The following GSE1 variants were observed in gnomAD, a reference collection of about 807,000 sequenced individuals.
The protein encoded by GSE1 is genetic suppressor element 1.
GSE1 carries 32 observed loss-of-function variants against 112.6 expected under a neutral mutation model. The observed-to-expected ratio is 0.28, with a 90% CI of 0.21 to 0.38. The LOEUF (loss-of-function observed/expected upper bound fraction) is 0.38, where lower values mean the gene tolerates loss of function less well. Ranked by LOEUF, GSE1 falls within the 10% of genes least tolerant of loss-of-function variation. The pLI, the probability that GSE1 is intolerant of heterozygous loss-of-function variation, is 1.00. For synonymous variants in GSE1, 1,115 were observed against 735.6 expected, an observed-to-expected ratio of 1.52 and a Z score of -8.35; for missense variants, 2,348 against 1,699.2, an observed-to-expected ratio of 1.38 and a Z score of -6.71.
chr16:85,316,173 A>G (rs1346545575), intron 1 of GSE1, among the ~76,000 whole-genome samples: 2 of 152,262 alleles, frequency 1.3e-5, no homozygotes, highest in Non-Finnish European at 1.5e-5. Context: ...GACACCAGCC[A>G]CCTATTCCAT....
intron 1 of GSE1, among the ~76,000 whole-genome samples, chr16:85,258,259 G>A (rs2144083131): frequency 6.6e-6 from 1 of 152,334 alleles, no homozygotes; most frequent in East Asian, 1.9e-4. Context: ...TCGCACCGCT[G>A]GGAGCAGCCC....
intron 1 of GSE1, among the ~76,000 whole-genome samples, chr16:85,238,509 G>A (rs1196264347): frequency 1.3e-5 from 2 of 152,140 alleles, no homozygotes; most frequent in Admixed American, 6.5e-5. Context: ...TGGCCTCGGC[G>A]TGTGTCCTGG....
At chr16:85,236,894 T>G (rs2143892037) in intron 1 of GSE1, among the ~76,000 whole-genome samples, 1 of 152,302 alleles carries the variant, frequency 6.6e-6, no homozygotes, top group Middle Eastern at 3.4e-3. Context: ...ACCTCACAAC[T>G]TCCAGCCACC....
At chr16:85,420,931 T>C (rs1230330091) in intron 2 of GSE1, among the ~76,000 whole-genome samples, 2 of 152,140 alleles carry the variant, frequency 1.3e-5, no homozygotes, top group Non-Finnish European at 2.9e-5. Flanking sequence ...GACCGCGCTG[T>C]CCTGCAGGGG....
intron 2 of GSE1, among the ~76,000 whole-genome samples, chr16:85,477,499 C>A (rs2050494915): frequency 6.6e-6 from 1 of 151,822 alleles, no homozygotes. Flanking sequence ...GCTGTGAGCC[C>A]CTCCGGCCTA....
chr16:85,648,281 C>T (rs941422258), intron 2 of GSE1, among the ~76,000 whole-genome samples: 2 of 152,090 alleles, frequency 1.3e-5, no homozygotes, highest in African/African-American at 4.8e-5. Context: ...GCCCTGGGCA[C>T]CAGAGCATCT....
At chr16:85,390,940 C>T (rs1169610388) in intron 2 of GSE1, among the ~76,000 whole-genome samples, 6 of 152,202 alleles carry the variant, frequency 3.9e-5, no homozygotes, top group South Asian at 2.1e-4. Context: ...GCAGAGGGGC[C>T]GGGCAACGCG....
At chr16:85,316,564 A>C (rs562438775) in intron 1 of GSE1, among the ~76,000 whole-genome samples, 1 of 152,324 alleles carries the variant, frequency 6.6e-6, no homozygotes, top group South Asian at 2.1e-4. Context: ...TGAGGTCCAC[A>C]GGGGTAAGGG....
intron 1 of GSE1, among the ~76,000 whole-genome samples, chr16:85,244,150 G>A (rs1025129018): frequency 8.5e-5 from 13 of 152,144 alleles, no homozygotes; most frequent in African/African-American, 2.7e-4. Flanking sequence ...GGGGCATTAA[G>A]GTTGCAGGTG....
intron 1 of GSE1, among the ~76,000 whole-genome samples, chr16:85,580,667 C>A (rs908289737): frequency 6.6e-6 from 1 of 152,220 alleles, no homozygotes; most frequent in Non-Finnish European, 1.5e-5. Flanking sequence ...TGTGGAAGCC[C>A]CGACCCTCAG....
At chr16:85,387,535 T>G (rs1340041341) in intron 2 of GSE1, among the ~76,000 whole-genome samples, 1 of 152,274 alleles carries the variant, frequency 6.6e-6, no homozygotes, top group Non-Finnish European at 1.5e-5. Context: ...ACCTCATTGG[T>G]GAGGCCCTCC....
intron 1 of GSE1, among the ~76,000 whole-genome samples, chr16:85,257,978 A>G (rs1158934709): frequency 6.6e-6 from 1 of 152,234 alleles, no homozygotes; most frequent in East Asian, 1.9e-4. Flanking sequence ...TTGGGAGCTC[A>G]GGGCCTGGAC....
intron 1 of GSE1, chr16:85,595,754 A>C (rs912794008): frequency 4.9e-5 from 7 of 142,818 alleles, no homozygotes; most frequent in African/African-American, 1.9e-4. Context: ...CCAGCCATTC[A>C]CTCATCCACC....
At chr16:85,182,288 C>T (rs1265532136) in intron 1 of GSE1, among the ~76,000 whole-genome samples, 2 of 152,202 alleles carry the variant, frequency 1.3e-5, no homozygotes, top group Non-Finnish European at 2.9e-5. Context: ...GACCCCAGGG[C>T]GTGCAGAATG....
At chr16:85,638,497 C>T (rs1437274358) in intron 2 of GSE1, among the ~76,000 whole-genome samples, 1 of 152,294 alleles carries the variant, frequency 6.6e-6, no homozygotes, top group African/African-American at 2.4e-5. Context: ...GCTGTGTGAT[C>T]CGGGCAGGCC....
chr16:85,503,679 G>T (rs897062715), intron 2 of GSE1, among the ~76,000 whole-genome samples: 1 of 152,102 alleles, frequency 6.6e-6, no homozygotes, highest in African/African-American at 2.4e-5. Context: ...TTCCTATCTG[G>T]ACAGAAGTGT....
chr16:85,331,709 T>TA lies in GSE1; in HGVS notation c.2284-25754_2284-25753insA, dbSNP rs1567693601. Among the ~76,000 whole-genome samples the TA allele has an allele frequency of 8.3e-3, 169 of 20,462 alleles. 6 individuals are homozygous for TA. Among genetic ancestry groups the TA allele is most frequent in the African/African-American group, 0.021 (149 of 7,154 alleles). The allele number at this position is 20,462 out of a possible 152,430, so 13.4% of individuals were successfully genotyped here. ...TGTATATATATATATATATATATATTTTTTTTTTTTTTTTTTTTAGTTAAG... is the reference window on the plus strand; with the variant it reads ...TGTATATATATATATATATATATATTATTTTTTTTTTTTTTTTTTAGTTAAG... On this transcript the variant is annotated intron_variant, in intron 1 of 2. Transcript: ENST00000637419.
intron 1 of GSE1, among the ~76,000 whole-genome samples, chr16:85,286,580 A>G (rs1347779349): frequency 6.6e-6 from 1 of 152,210 alleles, no homozygotes; most frequent in Non-Finnish European, 1.5e-5. Context: ...AAATAAATTA[A>G]GAGTGGGCCG....
chr16:85,352,568 GA>G (rs1199438563), intron 1 of GSE1, among the ~76,000 whole-genome samples: 1 of 152,166 alleles, frequency 6.6e-6, no homozygotes, highest in Non-Finnish European at 1.5e-5. Context: ...CCCTGGTAGA[GA>G]AGACACAGCA....
Sources: gnomAD v4.1 joint callset for allele counts (sites outside exome capture counted in the v4.1 genomes callset) on GRCh38, gnomAD v4.1.1 for gene constraint, MANE v1.5 for transcripts, NCBI Gene and HGNC (gene_info 2026-07-23, HGNC 2026-07-21) for gene names.